The following MAML3 variants were observed in gnomAD, a reference collection of about 807,000 sequenced individuals.
The protein encoded by MAML3 is mastermind like transcriptional coactivator 3.
Under a neutral mutation model 101.9 loss-of-function variants are expected in MAML3, and 27 were observed. The observed-to-expected ratio is 0.27, with a 90% CI of 0.20 to 0.37. The LOEUF (loss-of-function observed/expected upper bound fraction) is 0.37, where lower values mean the gene tolerates loss of function less well. Among genes scored for constraint, MAML3 ranks in the 10% least tolerant of loss-of-function variants. MAML3 has a pLI of 1.00. For synonymous variants in MAML3, 501 were observed against 555.9 expected, an observed-to-expected ratio of 0.90 and a Z score of 1.39; for missense variants, 1,316 against 1,444.9, an observed-to-expected ratio of 0.91 and a Z score of 1.45.
intron 1 of MAML3, among the ~76,000 whole-genome samples, chr4:140,070,054 C>T (rs1387937553): frequency 2.0e-5 from 3 of 151,812 alleles, no homozygotes; most frequent in Non-Finnish European, 2.9e-5. Flanking sequence ...AGGCACAAGT[C>T]GCAGTGAGCC....
In MAML3 at chr4:139,737,036, C is replaced by T. The variant is rs536230445; in HGVS notation, c.2080-6369G>A. Among the ~76,000 whole-genome samples, 21 of 152,290 alleles carry T rather than the reference C, an allele frequency of 1.4e-4. 1 individual carries two copies. The South Asian group carries it at 4.4e-3, about 32-fold the overall frequency. ...AAGGAGCCAATTCTTCCAGGACGGA[C>T]TACTCCAGTTGCAACTGTGCTGTGG... is the stretch of plus-strand genomic sequence containing the variant. On this transcript the variant is annotated intron_variant, in intron 2 of 4. Coordinates refer to ENST00000509479, the MANE Select transcript of MAML3 (RefSeq NM_018717.5).
chr4:139,753,484 A>G (rs147492216), intron 2 of MAML3, among the ~76,000 whole-genome samples: 1 of 152,336 alleles, frequency 6.6e-6, no homozygotes, highest in Non-Finnish European at 1.5e-5. Context: ...CCTGACAGAA[A>G]AAAATTAAAG....
Position 140,153,433 on chromosome 4 carries a change from A to G in MAML3, c.-106T>C. The G allele has an allele frequency of 1.6e-6, 2 of 1,282,654 alleles. No individual in the cohort carries two copies. The highest frequency in any genetic ancestry group is 1.0e-6 in the Non-Finnish European group (1 of 993,448). The allele number at this position is 1,282,654 out of a possible 1,614,324, so 79.5% of individuals were successfully genotyped here. ...AAATAGTTTAAGTGGAACGCGGGGGAGACGCAAGCACATGGATGGAAACGG... is the reference window on the plus strand; with the variant it reads ...AAATAGTTTAAGTGGAACGCGGGGGGGACGCAAGCACATGGATGGAAACGG... On this transcript the variant is annotated 5_prime_UTR_variant, in exon 1 of 5. Coordinates refer to ENST00000509479, the MANE Select transcript of MAML3 (RefSeq NM_018717.5).
intron 1 of MAML3, among the ~76,000 whole-genome samples, chr4:139,917,337 G>A (rs1733045797): frequency 6.6e-6 from 1 of 152,216 alleles, no homozygotes; most frequent in African/African-American, 2.4e-5. Context: ...GGGAGACATA[G>A]TTATGCTCTG....
chr4:140,002,999 G>A (rs1233578556), intron 1 of MAML3, among the ~76,000 whole-genome samples: 1 of 152,218 alleles, frequency 6.6e-6, no homozygotes, highest in Non-Finnish European at 1.5e-5. Context: ...TCCAAAGTCA[G>A]ACTAACAATT....
At chr4:139,799,435 C>T (rs1020697362) in intron 2 of MAML3, among the ~76,000 whole-genome samples, 4 of 152,102 alleles carry the variant, frequency 2.6e-5, no homozygotes, top group Non-Finnish European at 4.4e-5. Flanking sequence ...CATAACTAGA[C>T]AAATGCTCAC....
intron 1 of MAML3, among the ~76,000 whole-genome samples, chr4:139,943,864 CTTTTTTTT>C (rs10644498): frequency 1.4e-4 from 9 of 65,824 alleles, no homozygotes; most frequent in African/African-American, 4.7e-4. Flanking sequence ...CTAAAGACAA[CTTTTTTTT>C]TTTTTTTTTT....
At chr4:139,751,988 G>GC (rs1729519112) in intron 2 of MAML3, among the ~76,000 whole-genome samples, 1 of 152,140 alleles carries the variant, frequency 6.6e-6, no homozygotes, top group South Asian at 2.1e-4. Flanking sequence ...TATGGTCTGA[G>GC]CCCAGCAGCA....
chr4:140,060,404 A>G (rs1301526586), intron 1 of MAML3, among the ~76,000 whole-genome samples: 1 of 146,638 alleles, frequency 6.8e-6, no homozygotes, highest in African/African-American at 2.5e-5. Context: ...CCTGAAATCA[A>G]AGTCAGGCCT....
chr4:139,883,293 G>T (rs1732254695), intron 2 of MAML3, among the ~76,000 whole-genome samples: 1 of 152,166 alleles, frequency 6.6e-6, no homozygotes, highest in Non-Finnish European at 1.5e-5. Flanking sequence ...TGTTTTACAT[G>T]GTCAGAAAAG....
rs147872379 is a variant in MAML3 at position 139,810,691 on chromosome 4, C to G, written c.2079+78666G>C. 2.0e-5 allele frequency among the ~76,000 whole-genome samples: 3 copies of G among 152,250 alleles called. No homozygotes were observed. In the East Asian group the frequency reaches 5.8e-4, roughly 29 times the overall value. On this transcript the variant is annotated intron_variant, in intron 2 of 4. Transcript: ENST00000509479. ...TTCCCCTTTATTCTTCTCTACAACT[C>G]TATGTGGTAGGTTTTTTATTCTCAC...
intron 1 of MAML3, among the ~76,000 whole-genome samples, chr4:140,067,211 G>GTA (rs1727554334): frequency 6.6e-6 from 1 of 151,874 alleles, no homozygotes; most frequent in African/African-American, 2.4e-5. Flanking sequence ...GTGTGTGTGT[G>GTA]TGTGTGTGTG....
chr4:139,995,262 T>G (rs1734785759), intron 1 of MAML3, among the ~76,000 whole-genome samples: 1 of 152,214 alleles, frequency 6.6e-6, no homozygotes, highest in Non-Finnish European at 1.5e-5. Context: ...CTGATCATGG[T>G]GCATTATCTT....
At chr4:139,940,859 T>C (rs879646818) in intron 1 of MAML3, among the ~76,000 whole-genome samples, 2 of 152,232 alleles carry the variant, frequency 1.3e-5, no homozygotes, top group African/African-American at 2.4e-5. Flanking sequence ...CATGGAGACA[T>C]AATACCAGGG....
At chr4:139,941,387 C>T (rs1733592709) in intron 1 of MAML3, among the ~76,000 whole-genome samples, 1 of 152,194 alleles carries the variant, frequency 6.6e-6, no homozygotes, top group African/African-American at 2.4e-5. Flanking sequence ...AAGTCATCAA[C>T]ATGCAGAGAC....
chr4:139,873,653 A>G (rs1296330630), intron 2 of MAML3, among the ~76,000 whole-genome samples: 1 of 152,218 alleles, frequency 6.6e-6, no homozygotes, highest in Non-Finnish European at 1.5e-5. Flanking sequence ...CCATGTCATG[A>G]GAAAACTTAA....
intron 1 of MAML3, among the ~76,000 whole-genome samples, chr4:139,971,308 C>T (rs1734231314): frequency 6.6e-6 from 1 of 152,294 alleles, no homozygotes; most frequent in South Asian, 2.1e-4. Flanking sequence ...TGGACTAAAC[C>T]ACAGAAAGTG....
At chr4:140,049,676 T>C (rs1165021850) in intron 1 of MAML3, among the ~76,000 whole-genome samples, 1 of 151,004 alleles carries the variant, frequency 6.6e-6, no homozygotes, top group Non-Finnish European at 1.5e-5. Context: ...GCCTTCCTTT[T>C]TTTTTAAAAG....
At chr4:140,140,307 G>C (rs1728958760) in intron 1 of MAML3, among the ~76,000 whole-genome samples, 2 of 152,108 alleles carry the variant, frequency 1.3e-5, no homozygotes, top group East Asian at 3.9e-4. Context: ...CTGGGTGACA[G>C]GGTGAGATTC....
Sources: gnomAD v4.1 joint callset for allele counts (sites outside exome capture counted in the v4.1 genomes callset) on GRCh38, gnomAD v4.1.1 for gene constraint, MANE v1.5 for transcripts, NCBI Gene and HGNC (gene_info 2026-07-23, HGNC 2026-07-21) for gene names.